Variants in CAST observed in about 807,000 individuals in gnomAD.
CAST encodes calpastatin, also known as MIR583 host.
A neutral mutation model predicts 119.6 loss-of-function variants in CAST; 76 were observed. The observed-to-expected ratio is 0.64, with a 90% confidence interval of 0.53 to 0.77. The LOEUF (loss-of-function observed/expected upper bound fraction) is 0.77, where lower values mean the gene tolerates loss of function less well. Among genes scored for constraint, CAST ranks in the 30% least tolerant of loss-of-function variants. CAST has a pLI of 0.00. For synonymous variants in CAST, 319 were observed against 331.6 expected, an observed-to-expected ratio of 0.96 and a Z score of 0.41; for missense variants, 953 against 946.5, an observed-to-expected ratio of 1.01 and a Z score of -0.09.
intron 3 of CAST, among the ~76,000 whole-genome samples, chr5:96,709,855 G>C (rs1053962056): frequency 2.6e-5 from 4 of 152,128 alleles, no homozygotes; most frequent in Non-Finnish European, 5.9e-5. Flanking sequence ...CTGTATACTT[G>C]GTGTATAATG....
At chr5:95,983,240 TAGTGATTAGA>T in the CAST span, among the ~76,000 whole-genome samples, 1 of 152,180 alleles carries the variant, frequency 6.6e-6, no homozygotes, top group East Asian at 1.9e-4. Flanking sequence ...TGAGAGGGGG[TAGTGATTAGA>T]AGTCCTGAAG....
the CAST span, among the ~76,000 whole-genome samples, chr5:96,474,056 G>T: frequency 6.6e-6 from 1 of 152,148 alleles, no homozygotes; most frequent in Non-Finnish European, 1.5e-5. Context: ...GATGAAGCAG[G>T]GGAGGAAAGC....
chr5:96,643,101 A>C (rs944973704), intron 1 of CAST, among the ~76,000 whole-genome samples: 1 of 152,198 alleles, frequency 6.6e-6, no homozygotes, highest in Admixed American at 6.5e-5. Context: ...TTATTTTGCT[A>C]CATACAAAAC....
At chr5:96,197,302 A>G in the CAST span, among the ~76,000 whole-genome samples, 2 of 152,164 alleles carry the variant, frequency 1.3e-5, no homozygotes, top group Admixed American at 6.6e-5. Context: ...TTCTGTCCCA[A>G]GTGGAACACA....
At chr5:96,278,756 CAT>C in the CAST span, 1 of 152,240 alleles carries the variant, frequency 6.6e-6, no homozygotes, top group South Asian at 2.1e-4. Flanking sequence ...TACACACACA[CAT>C]GCATATACAC....
the CAST span, among the ~76,000 whole-genome samples, chr5:96,147,410 C>G: frequency 1.3e-5 from 2 of 152,064 alleles, no homozygotes; most frequent in African/African-American, 4.8e-5. Flanking sequence ...CCAGACCATC[C>G]TGGCTGACAG....
At chr5:96,178,894 A>G in the CAST span, among the ~76,000 whole-genome samples, 4 of 152,320 alleles carry the variant, frequency 2.6e-5, no homozygotes, top group South Asian at 4.2e-4. Flanking sequence ...TTCAAACTCA[A>G]CTGATTACTT....
chr5:96,667,893 T>C (rs1749544282), intron 1 of CAST, among the ~76,000 whole-genome samples: 1 of 152,142 alleles, frequency 6.6e-6, no homozygotes, highest in South Asian at 2.1e-4. Flanking sequence ...CAGGCGCCTG[T>C]AATTCCAGCT....
At chr5:96,444,196 T>C in the CAST span, among the ~76,000 whole-genome samples, 5 of 152,206 alleles carry the variant, frequency 3.3e-5, no homozygotes, top group Non-Finnish European at 5.9e-5. Flanking sequence ...TTTGCACTAG[T>C]CTGTGAGTCT....
At chr5:96,338,204 C>T in the CAST span, among the ~76,000 whole-genome samples, 2 of 152,162 alleles carry the variant, frequency 1.3e-5, no homozygotes, top group Non-Finnish European at 2.9e-5. Context: ...AACAACAAAC[C>T]TATTTTTATT....
intron 1 of CAST, among the ~76,000 whole-genome samples, chr5:96,581,921 C>A (rs1041174870): frequency 7.6e-5 from 9 of 117,846 alleles, no homozygotes; most frequent in Non-Finnish European, 1.7e-4. Context: ...AATAAATAAA[C>A]AATCTGAATA....
the CAST span, among the ~76,000 whole-genome samples, chr5:96,287,248 C>A: frequency 6.6e-6 from 1 of 152,234 alleles, no homozygotes; most frequent in South Asian, 2.1e-4. Context: ...TCCCCCCTCC[C>A]CTTTCCTTCC....
the CAST span, among the ~76,000 whole-genome samples, chr5:96,516,035 T>C: frequency 7.2e-5 from 2 of 27,836 alleles, no homozygotes; most frequent in South Asian, 7.0e-4. Context: ...ATTTCAGTGC[T>C]TGATCGCCTC....
the CAST span, among the ~76,000 whole-genome samples, chr5:96,081,800 A>G: frequency 6.6e-6 from 1 of 152,224 alleles, no homozygotes; most frequent in Non-Finnish European, 1.5e-5. Context: ...CTTTATTAGA[A>G]TTCTTAAAAA....
the CAST span, among the ~76,000 whole-genome samples, chr5:96,101,401 T>G: frequency 6.6e-6 from 1 of 152,124 alleles, no homozygotes; most frequent in African/African-American, 2.4e-5. Context: ...AGTATAAGCC[T>G]CTCTCACTGT....
the CAST span, among the ~76,000 whole-genome samples, chr5:96,323,788 T>C: frequency 1.8e-4 from 28 of 152,326 alleles, no homozygotes; most frequent in African/African-American, 6.5e-4. Flanking sequence ...CATCTCATTT[T>C]ATAAATGAAG....
Position 96,722,684 on chromosome 5 carries a change from C to G in CAST, c.256C>G (p.Pro86Ala). The G allele has an allele frequency of 1.2e-6, 2 of 1,611,446 alleles. No individual in the cohort carries two copies. Among genetic ancestry groups the G allele is most frequent in the South Asian group, 1.1e-5 (1 of 91,034 alleles). The part of the protein sequence containing the change: ...GATSKSSSMN[P>A]TETKAIPVSQ... ...AACCAGCAAGTCTTCCAGTATGAAT[C>G]CCACAGAAACCAAGGTATGAAGAAT... The change falls in exon 4 of 32, where the codon CCC (proline) becomes GCC (alanine). Residue 86 changes from proline (P) to alanine (A), a missense_variant. By Grantham distance (27) the Pro-to-Ala change is conservative (BLOSUM62 -1). Transcript: ENST00000675179.
the CAST span, among the ~76,000 whole-genome samples, chr5:96,363,957 TTG>T: frequency 1.3e-5 from 2 of 152,200 alleles, no homozygotes; most frequent in Non-Finnish European, 2.9e-5. Flanking sequence ...CAGTATGATA[TTG>T]GCTGTGGGTT....
At chr5:96,268,857 C>T in the CAST span, among the ~76,000 whole-genome samples, 110 of 152,196 alleles carry the variant, frequency 7.2e-4, 1 homozygote, top group Admixed American at 3.3e-3. Context: ...AATTGTAATC[C>T]CCATGTGTAG....
Sources: gnomAD v4.1 joint callset for allele counts (sites outside exome capture counted in the v4.1 genomes callset) on GRCh38, gnomAD v4.1.1 for gene constraint, MANE v1.5 for transcripts, NCBI Gene and HGNC (gene_info 2026-07-23, HGNC 2026-07-21) for gene names.